The following CACNA2D1 variants were observed in gnomAD, a reference collection of about 807,000 sequenced individuals.
CACNA2D1 encodes the protein calcium voltage-gated channel auxiliary subunit alpha2delta 1.
A neutral mutation model predicts 171.5 loss-of-function variants in CACNA2D1; 53 were observed. The ratio of observed to expected loss-of-function variants is 0.31; its 90% CI spans 0.25 to 0.39. CACNA2D1 has a LOEUF of 0.39. CACNA2D1 is among the 10% of genes least tolerant of loss of function. CACNA2D1 has a pLI of 1.00. For synonymous variants in CACNA2D1, 442 were observed against 443.1 expected (o/e 1.00, Z 0.03); for missense variants, 903 against 1,299.8 (o/e 0.69, Z 4.69).
intron 38 of CACNA2D1, among the ~76,000 whole-genome samples, chr7:81,951,969 G>GTTTTTTTTTTTTT (rs774805421): frequency 4.2e-5 from 3 of 71,914 alleles, no homozygotes; most frequent in African/African-American, 1.2e-4. Context: ...TGTACAAAGT[G>GTTTTTTTTTTTTT]TTTTTTTTTT....
At chr7:82,116,969 TC>T in intron 6 of CACNA2D1, 74 bp downstream of exon 6, 5 of 1,503,688 alleles carry the variant, frequency 3.3e-6, no homozygotes, top group Non-Finnish European at 4.6e-6. Flanking sequence ...CTCTTTTTTT[TC>T]CCCCTCAAAC....
chr7:82,186,430 G>T (rs562966366), intron 3 of CACNA2D1, among the ~76,000 whole-genome samples: 2 of 152,072 alleles, frequency 1.3e-5, no homozygotes, highest in Non-Finnish European at 2.9e-5. Context: ...CAAAATCTTT[G>T]TAAAGGACTA....
At chr7:82,402,625 C>T (rs897046624) in intron 1 of CACNA2D1, among the ~76,000 whole-genome samples, 6 of 140,518 alleles carry the variant, frequency 4.3e-5, no homozygotes, top group Admixed American at 2.3e-4. Context: ...GCAGGAGAAT[C>T]GCTTGAACCC....
intron 3 of CACNA2D1, among the ~76,000 whole-genome samples, chr7:82,245,473 T>C (rs1804794527): frequency 1.3e-5 from 2 of 152,064 alleles, no homozygotes; most frequent in African/African-American, 4.8e-5. Context: ...TTTCCAAAGA[T>C]GCAAAAAAAC....
chr7:82,406,526 C>T (rs1465048113), intron 1 of CACNA2D1, among the ~76,000 whole-genome samples: 1 of 152,176 alleles, frequency 6.6e-6, no homozygotes, highest in South Asian at 2.1e-4. Context: ...AAAAGTGTTC[C>T]TATTTCTCCA....
intron 3 of CACNA2D1, among the ~76,000 whole-genome samples, chr7:82,320,876 C>A (rs771192216): frequency 7.8e-4 from 113 of 145,748 alleles, no homozygotes; most frequent in Admixed American, 3.6e-3. Flanking sequence ...ATAATACATT[C>A]ACAAAATTGA....
chr7:82,078,052 C>A (rs1809225690), intron 7 of CACNA2D1, among the ~76,000 whole-genome samples: 1 of 152,072 alleles, frequency 6.6e-6, no homozygotes, highest in South Asian at 2.1e-4. Context: ...GTAAGAGATT[C>A]TTTTGCATTT....
intron 6 of CACNA2D1, among the ~76,000 whole-genome samples, chr7:82,116,743 T>C (rs370895111): frequency 7.9e-5 from 12 of 152,240 alleles, no homozygotes; most frequent in African/African-American, 2.7e-4. Flanking sequence ...AATATATCTA[T>C]ATACTTTGTA....
chr7:82,317,205 T>C (rs1044563702), intron 3 of CACNA2D1, among the ~76,000 whole-genome samples: 1 of 152,326 alleles, frequency 6.6e-6, no homozygotes, highest in Non-Finnish European at 1.5e-5. Context: ...TTAAAATGCA[T>C]ACATTATTTT....
intron 4 of CACNA2D1, among the ~76,000 whole-genome samples, chr7:82,141,785 C>T (rs1281905350): frequency 2.0e-5 from 3 of 152,130 alleles, no homozygotes; most frequent in Non-Finnish European, 4.4e-5. Flanking sequence ...CAAGACATTG[C>T]CCGTCTGTTG....
chr7:82,377,668 A>T (rs979555293), intron 1 of CACNA2D1, among the ~76,000 whole-genome samples: 1 of 152,174 alleles, frequency 6.6e-6, no homozygotes, highest in Admixed American at 6.5e-5. Flanking sequence ...CCTTTAAAGG[A>T]CAGATCTTTT....
At chr7:82,389,199 G>A (rs976111034) in intron 1 of CACNA2D1, among the ~76,000 whole-genome samples, 2 of 148,094 alleles carry the variant, frequency 1.4e-5, no homozygotes, top group African/African-American at 2.5e-5. Context: ...ATATGTAAAG[G>A]TATATGTATG....
At chr7:82,038,334 G>T in intron 10 of CACNA2D1, 99 bp from the exon 11 acceptor site, 2 of 1,014,842 alleles carry the variant, frequency 2.0e-6, no homozygotes, top group Non-Finnish European at 2.9e-6. Context: ...GTATTGCATT[G>T]CTTACTCTTT....
chr7:82,085,859 T>C (rs1292241580), intron 6 of CACNA2D1, among the ~76,000 whole-genome samples: 3 of 152,284 alleles, frequency 2.0e-5, no homozygotes, highest in Middle Eastern at 6.8e-3. Flanking sequence ...GGATATAATA[T>C]GGGTTAAGTG....
At chr7:82,265,680 T>C (rs1045038845) in intron 3 of CACNA2D1, among the ~76,000 whole-genome samples, 3 of 152,148 alleles carry the variant, frequency 2.0e-5, no homozygotes, top group Non-Finnish European at 2.9e-5. Context: ...AGAAGTATTA[T>C]TTAGCTGTCT....
At chr7:81,960,889 C>T (rs1249234112) in intron 36 of CACNA2D1, among the ~76,000 whole-genome samples, 1 of 151,976 alleles carries the variant, frequency 6.6e-6, no homozygotes, top group Non-Finnish European at 1.5e-5. Context: ...TTTCTGAGTT[C>T]ATGCTTGACT....
chr7:82,186,008 T>A (rs1400996146), intron 3 of CACNA2D1, among the ~76,000 whole-genome samples: 1 of 151,566 alleles, frequency 6.6e-6, no homozygotes, highest in Non-Finnish European at 1.5e-5. Flanking sequence ...AATACAAAAA[T>A]TAGCTGGGCG....
intron 24 of CACNA2D1, among the ~76,000 whole-genome samples, chr7:81,974,873 G>C (rs116972098): frequency 6.6e-6 from 1 of 151,954 alleles, no homozygotes; most frequent in Admixed American, 6.6e-5. Context: ...TGGGGCATCG[G>C]GGGCAAGGGG....
At chr7:81,959,220 G>T in intron 38 of CACNA2D1, 55 bp downstream of exon 38, 2 of 1,229,974 alleles carry the variant, frequency 1.6e-6, no homozygotes, top group Non-Finnish European at 1.2e-6. Flanking sequence ...TTGAATTCTT[G>T]CGGACAGTGA....
Sources: allele counts gnomAD v4.1 joint callset (sites outside exome capture counted in the v4.1 genomes callset), GRCh38; gene constraint gnomAD v4.1.1; transcripts MANE v1.5; gene names NCBI Gene and HGNC (gene_info 2026-07-23, HGNC 2026-07-21).